DACH2: variants seen among roughly 807,000 people sequenced by gnomAD.
DACH2 encodes the protein dachshund family transcription factor 2.
A neutral mutation model predicts 35.8 loss-of-function variants in DACH2; 17 were observed. That is an observed-to-expected ratio of 0.48 (90% CI 0.33 to 0.71). The LOEUF (loss-of-function observed/expected upper bound fraction) is 0.71. Among genes scored for constraint, DACH2 ranks in the 30% least tolerant of loss-of-function variants. The pLI, the probability that DACH2 is intolerant of heterozygous loss-of-function variation, is 0.02. For missense variants in DACH2, 469 were observed against 472.7 expected, an observed-to-expected ratio of 0.99 and a Z score of 0.07; for synonymous variants, 195 against 177.3, an observed-to-expected ratio of 1.10 and a Z score of -0.79.
Position 86,148,805 on chromosome X carries a change from A to G in DACH2, c.185A>G (p.Asn62Ser). Residue 62 changes from asparagine (N) to serine (S), a missense_variant, in exon 1 of 12, where the codon AAC becomes AGC. Asn to Ser is a conservative substitution (Grantham distance 46). Transcript: ENST00000373125. The part of the protein sequence containing the change: ...SNSAGGGGRG[N>S]TNTNECRMVD... ...AGTGCCGGAGGCGGCGGCAGGGGCAACACCAACACCAACGAGTGCCGCATG... is the reference window on the plus strand; with the variant it reads ...AGTGCCGGAGGCGGCGGCAGGGGCAGCACCAACACCAACGAGTGCCGCATG... The G allele has an allele frequency of 8.3e-7, 1 of 1,211,472 alleles. No homozygotes were observed. The highest frequency in any genetic ancestry group is 1.1e-6 in the Non-Finnish European group (1 of 895,474).
chrX:86,329,423 C>T (rs902038471), intron 1 of DACH2, among the ~76,000 whole-genome samples: 5 of 111,398 alleles, frequency 4.5e-5, no homozygotes, highest in Non-Finnish European at 9.4e-5. Context: ...TGCTTCCCTG[C>T]TCCCCTCCCT....
intron 3 of DACH2, among the ~76,000 whole-genome samples, chrX:86,571,740 G>T (rs1188033770): frequency 2.7e-5 from 3 of 110,007 alleles, no homozygotes; most frequent in African/African-American, 9.9e-5. Context: ...TAGGTCTTTT[G>T]CCTTTCTCTA....
intron 3 of DACH2, among the ~76,000 whole-genome samples, chrX:86,612,066 G>T (rs1182218987): frequency 9.3e-6 from 1 of 107,367 alleles, no homozygotes; most frequent in African/African-American, 3.4e-5. Context: ...TAGTCAACAG[G>T]TGATGAATAC....
chrX:86,700,641 C>T (rs1276753711), intron 5 of DACH2, among the ~76,000 whole-genome samples: 1 of 105,757 alleles, frequency 9.5e-6, no homozygotes, highest in Non-Finnish European at 1.9e-5. Flanking sequence ...TCCAAATAAA[C>T]ACAATTACAA....
At chrX:86,604,317 T>C in intron 3 of DACH2, among the ~76,000 whole-genome samples, 1 of 111,256 alleles carries the variant, frequency 9.0e-6, no homozygotes, top group Non-Finnish European at 1.9e-5. Context: ...CCCTGGGGTT[T>C]ATATTATACA....
chrX:86,283,889 CACACAT>C (rs2034089005), intron 1 of DACH2, among the ~76,000 whole-genome samples: 1 of 107,661 alleles, frequency 9.3e-6, no homozygotes, highest in African/African-American at 3.6e-5. Flanking sequence ...CACACACACA[CACACAT>C]ACACACACAC....
intron 3 of DACH2, among the ~76,000 whole-genome samples, chrX:86,591,801 G>T (rs959452716): frequency 7.2e-5 from 8 of 111,069 alleles, no homozygotes; most frequent in Non-Finnish European, 7.5e-5. Context: ...CTCCCAAAGT[G>T]CTGGGATTAT....
intron 2 of DACH2, among the ~76,000 whole-genome samples, chrX:86,504,257 G>A (rs1315937009): frequency 1.8e-5 from 2 of 110,507 alleles, no homozygotes; most frequent in Non-Finnish European, 3.8e-5. Flanking sequence ...CAATGGCATA[G>A]GTAAATTCAA....
intron 5 of DACH2, among the ~76,000 whole-genome samples, chrX:86,705,765 C>T (rs1432014649): frequency 2.7e-5 from 3 of 111,298 alleles, no homozygotes; most frequent in Non-Finnish European, 1.9e-5. Flanking sequence ...GAAAAGAAGT[C>T]ATTATATCAG....
At chrX:86,524,521 C>A (rs945919414) in intron 3 of DACH2, among the ~76,000 whole-genome samples, 2 of 111,796 alleles carry the variant, frequency 1.8e-5, no homozygotes, top group Non-Finnish European at 3.8e-5. Context: ...ATATTTCTAA[C>A]GTAGAGTTTA....
rs1307154227 is a variant in DACH2 at position 86,814,583 on chromosome X, C to A, written c.1538-105C>A. ...TAATCATATGTCAAGTGAAATATTT[C>A]TATATCTCTCTTTATCTATACTTAT... On this transcript the variant is annotated intron_variant, in intron 9 of 11. Transcript: ENST00000373125. 8.7e-6 allele frequency: 7 copies of A among 804,091 alleles called. No homozygotes were observed. In the Admixed American group the frequency reaches 2.1e-4, roughly 24 times the overall value. 66.3% of individuals were successfully genotyped at this position (804,091 alleles called of 1,213,427 possible). A position where few individuals can be genotyped will look rare whatever the true frequency, so the allele number is the denominator to read the frequency against.
chrX:86,382,396 A>C (rs2148110006), intron 2 of DACH2, among the ~76,000 whole-genome samples: 1 of 109,168 alleles, frequency 9.2e-6, no homozygotes, highest in Admixed American at 9.8e-5. Flanking sequence ...AGATTAAAGT[A>C]GAAAAGGGAA....
chrX:86,676,360 T>C (rs754404127), intron 4 of DACH2, among the ~76,000 whole-genome samples: 59 of 111,816 alleles, frequency 5.3e-4, no homozygotes, highest in Non-Finnish European at 2.4e-4. Context: ...CCTGAGAAAA[T>C]TGAAGGAATT....
intron 3 of DACH2, among the ~76,000 whole-genome samples, chrX:86,591,185 G>A (rs2039640822): frequency 1.8e-5 from 2 of 111,849 alleles, no homozygotes; most frequent in African/African-American, 6.5e-5. Flanking sequence ...GTATACCATG[G>A]TGTATATGTG....
At chrX:86,825,918 T>G (rs1669027436) in intron 11 of DACH2, among the ~76,000 whole-genome samples, 1 of 112,135 alleles carries the variant, frequency 8.9e-6, no homozygotes, top group East Asian at 2.8e-4. Flanking sequence ...TGCCTTAACT[T>G]TAGTAAAATA....
intron 1 of DACH2, among the ~76,000 whole-genome samples, chrX:86,261,866 G>A (rs912649070): frequency 1.8e-5 from 2 of 111,157 alleles, no homozygotes; most frequent in Non-Finnish European, 3.8e-5. Context: ...TGCATATGGA[G>A]GGAAATTGAA....
At chrX:86,439,007 A>T (rs7060539) in intron 2 of DACH2, among the ~76,000 whole-genome samples, 9,592 of 111,726 alleles carry the variant, frequency 0.086, 1,007 homozygotes, top group African/African-American at 0.3. Flanking sequence ...TTACATTCCT[A>T]CCAACGGTGA....
chrX:86,252,873 T>C (rs897658771), intron 1 of DACH2, among the ~76,000 whole-genome samples: 7 of 111,004 alleles, frequency 6.3e-5, no homozygotes, highest in African/African-American at 2.3e-4. Flanking sequence ...TCTCTAGTTC[T>C]TTTATTACTT....
intron 3 of DACH2, among the ~76,000 whole-genome samples, chrX:86,578,364 G>C (rs895930756): frequency 9.1e-6 from 1 of 109,645 alleles, no homozygotes; most frequent in African/African-American, 3.3e-5. Context: ...GATTTTTCCT[G>C]TTGTTAGCAT....
Sources: allele counts gnomAD v4.1 joint callset (sites outside exome capture counted in the v4.1 genomes callset), GRCh38; gene constraint gnomAD v4.1.1; transcripts MANE v1.5; gene names NCBI Gene and HGNC (gene_info 2026-07-23, HGNC 2026-07-21).